SLC4A10: variants seen among roughly 807,000 people sequenced by gnomAD.
SLC4A10 encodes the protein sodium-driven chloride bicarbonate exchanger.
Under a neutral mutation model 137.7 loss-of-function variants are expected in SLC4A10, and 42 were observed. That is an observed-to-expected ratio of 0.30 (90% CI 0.24 to 0.39). The LOEUF (loss-of-function observed/expected upper bound fraction) is 0.39. Among genes scored for constraint, SLC4A10 ranks in the 10% least tolerant of loss-of-function variants. The pLI is 1.00. For synonymous variants in SLC4A10, 474 were observed against 464.1 expected (o/e 1.02, Z -0.27); for missense variants, 925 against 1,355.0 (o/e 0.68, Z 4.98).
chr2:161,643,884 G>A (rs935044202), intron 1 of SLC4A10, among the ~76,000 whole-genome samples: 12 of 152,010 alleles, frequency 7.9e-5, no homozygotes, highest in African/African-American at 2.7e-4. Context: ...ATTAGGGGTG[G>A]GGTGGATTCA....
intron 26 of SLC4A10, among the ~76,000 whole-genome samples, chr2:161,978,450 GA>G (rs1270376894): frequency 6.6e-6 from 1 of 151,230 alleles, no homozygotes; most frequent in African/African-American, 2.4e-5. Context: ...GCAAAGCTGA[GA>G]GCCTCCATTA....
At chr2:161,917,353 ATAGT>A (rs1296411881) in intron 15 of SLC4A10, among the ~76,000 whole-genome samples, 5 of 152,094 alleles carry the variant, frequency 3.3e-5, no homozygotes, top group African/African-American at 9.7e-5. Context: ...ACTTTCTCTG[ATAGT>A]TAGATAGTGT....
At chr2:161,903,396 A>G (rs1429192687) in intron 12 of SLC4A10, among the ~76,000 whole-genome samples, 4 of 152,182 alleles carry the variant, frequency 2.6e-5, no homozygotes, top group African/African-American at 9.7e-5. Context: ...TCTGAAACCT[A>G]TCTGTCTCTA....
chr2:161,709,484 G>T (rs73971355), intron 1 of SLC4A10, among the ~76,000 whole-genome samples: 5,537 of 151,556 alleles, frequency 0.037, 337 homozygotes, highest in African/African-American at 0.13. Flanking sequence ...TGCTTTTAAG[G>T]TAGATATATA....
At chr2:161,695,207 T>G (rs551677836) in intron 1 of SLC4A10, among the ~76,000 whole-genome samples, 1 of 152,164 alleles carries the variant, frequency 6.6e-6, no homozygotes, top group African/African-American at 2.4e-5. Context: ...TCCTTTATTC[T>G]GTGTTTCTGA....
intron 1 of SLC4A10, among the ~76,000 whole-genome samples, chr2:161,651,768 G>C (rs2036832916): frequency 6.6e-6 from 1 of 152,196 alleles, no homozygotes; most frequent in Non-Finnish European, 1.5e-5. Context: ...GTGTGCAGTG[G>C]CCAGACCCTG....
intron 1 of SLC4A10, among the ~76,000 whole-genome samples, chr2:161,662,904 G>T (rs1470852789): frequency 6.6e-6 from 1 of 152,178 alleles, no homozygotes; most frequent in African/African-American, 2.4e-5. Context: ...TGGTTGATGA[G>T]GATGATTGAT....
At chr2:161,671,003 T>C (rs977433777) in intron 1 of SLC4A10, among the ~76,000 whole-genome samples, 2 of 152,142 alleles carry the variant, frequency 1.3e-5, no homozygotes, top group Non-Finnish European at 2.9e-5. Flanking sequence ...TCCCCAATAA[T>C]TTGGTACTGA....
chr2:161,834,224 C>A (rs752443277), intron 3 of SLC4A10, among the ~76,000 whole-genome samples: 4 of 152,154 alleles, frequency 2.6e-5, no homozygotes, highest in Non-Finnish European at 4.4e-5. Context: ...GAGTAGTAAC[C>A]ATTTAGTTGA....
At chr2:161,935,626 AT>A (rs1420752749) in intron 15 of SLC4A10, among the ~76,000 whole-genome samples, 1 of 152,058 alleles carries the variant, frequency 6.6e-6, no homozygotes, top group African/African-American at 2.4e-5. Context: ...AGTATTTGAA[AT>A]TTATTTTGGT....
chr2:161,820,417 A>G (rs1371100079), intron 3 of SLC4A10, among the ~76,000 whole-genome samples: 1 of 152,178 alleles, frequency 6.6e-6, no homozygotes, highest in Non-Finnish European at 1.5e-5. Context: ...GTGTAATACC[A>G]CCTTGGCTGG....
intron 3 of SLC4A10, among the ~76,000 whole-genome samples, chr2:161,818,853 T>C (rs925078819): frequency 2.6e-5 from 4 of 152,220 alleles, no homozygotes; most frequent in African/African-American, 9.6e-5. Flanking sequence ...GGATAAGTTT[T>C]TGATGTGTTG....
At chr2:161,974,352 A>T in intron 24 of SLC4A10, 36 bp downstream of exon 24, 3 of 1,492,158 alleles carry the variant, frequency 2.0e-6, no homozygotes, top group Non-Finnish European at 2.8e-6. Flanking sequence ...CAATTAAAGT[A>T]ATGAAATGCA....
At chr2:161,949,932 G>T (rs1201185111) in intron 18 of SLC4A10, among the ~76,000 whole-genome samples, 1 of 151,696 alleles carries the variant, frequency 6.6e-6, no homozygotes, top group Non-Finnish European at 1.5e-5. Context: ...AAAAGTTTCA[G>T]ATTTTGGATC....
At chr2:161,652,838 C>T (rs1396211787) in intron 1 of SLC4A10, among the ~76,000 whole-genome samples, 2 of 118,478 alleles carry the variant, frequency 1.7e-5, no homozygotes, top group African/African-American at 3.0e-5. Flanking sequence ...CTTCATACAA[C>T]TGCAGAATAT....
At chr2:161,824,552 A>G (rs111822178) in intron 3 of SLC4A10, among the ~76,000 whole-genome samples, 5 of 152,326 alleles carry the variant, frequency 3.3e-5, no homozygotes, top group Non-Finnish European at 7.4e-5. Context: ...AACAGAAACC[A>G]TGTCAGAGGA....
At chr2:161,884,445 C>G (rs2062061797) in intron 10 of SLC4A10, among the ~76,000 whole-genome samples, 1 of 152,104 alleles carries the variant, frequency 6.6e-6, no homozygotes, top group Non-Finnish European at 1.5e-5. Flanking sequence ...CTTGACTAAC[C>G]AAGTGGACAC....
At chr2:161,825,950 C>A (rs947811628) in intron 3 of SLC4A10, among the ~76,000 whole-genome samples, 2 of 152,118 alleles carry the variant, frequency 1.3e-5, no homozygotes, top group Non-Finnish European at 2.9e-5. Flanking sequence ...AATCTTATAT[C>A]CCATGTGGAA....
intron 1 of SLC4A10, among the ~76,000 whole-genome samples, chr2:161,729,691 T>G (rs2046631435): frequency 6.6e-6 from 1 of 152,074 alleles, no homozygotes; most frequent in Admixed American, 6.5e-5. Flanking sequence ...TGTGCTCAGA[T>G]TTGGGTCCTA....
Sources: gnomAD v4.1 joint callset for allele counts (sites outside exome capture counted in the v4.1 genomes callset) on GRCh38, gnomAD v4.1.1 for gene constraint, MANE v1.5 for transcripts, NCBI Gene and HGNC (gene_info 2026-07-23, HGNC 2026-07-21) for gene names.